The following DYM variants were observed in gnomAD, a reference collection of about 807,000 sequenced individuals.
The protein encoded by DYM is dyggve-Melchior-Clausen syndrome protein.
Under a neutral mutation model 93.1 loss-of-function variants are expected in DYM, and 78 were observed. The ratio of observed to expected loss-of-function variants is 0.84; its 90% CI spans 0.70 to 1.01. The LOEUF (loss-of-function observed/expected upper bound fraction) is 1.01, where lower values mean the gene tolerates loss of function less well. Among genes scored for constraint, DYM ranks in the 50% least tolerant of loss-of-function variants. The probability of loss-of-function intolerance (pLI) is 0.00; values close to 1 mark genes in which losing one functional copy is unlikely to be tolerated. For missense variants in DYM, 789 were observed against 845.0 expected, an observed-to-expected ratio of 0.93 and a Z score of 0.82; for synonymous variants, 321 against 319.7, an observed-to-expected ratio of 1.00 and a Z score of -0.04.
chr18:49,388,767 T>C (rs2068878453), intron 3 of DYM, among the ~76,000 whole-genome samples: 1 of 152,010 alleles, frequency 6.6e-6, no homozygotes, highest in Admixed American at 6.6e-5. Flanking sequence ...GGTTGACTGC[T>C]TTCTTCACAA....
chr18:49,420,688 A>G (rs1481350933), intron 2 of DYM, among the ~76,000 whole-genome samples: 1 of 152,114 alleles, frequency 6.6e-6, no homozygotes, highest in African/African-American at 2.4e-5. Flanking sequence ...CAGTGGGTGC[A>G]GCCTGTGGAC....
At chr18:49,331,257 ACT>A (rs1375937862) in intron 8 of DYM, among the ~76,000 whole-genome samples, 1 of 152,018 alleles carries the variant, frequency 6.6e-6, no homozygotes, top group East Asian at 1.9e-4. Flanking sequence ...CACCAGAACT[ACT>A]CTCTTACTTC....
chr18:49,363,062 T>G, intron 6 of DYM, 99 bp downstream of exon 6: 1 of 907,472 alleles, frequency 1.1e-6, no homozygotes, highest in Non-Finnish European at 1.8e-6. Flanking sequence ...GGCACACATA[T>G]AAGTTCTATA....
chr18:49,375,596 T>A (rs2067433758), intron 5 of DYM: 2 of 152,302 alleles, frequency 1.3e-5, no homozygotes, highest in South Asian at 4.1e-4. Flanking sequence ...GCTTGCTTTA[T>A]TCAAGAATAA....
At chr18:49,438,669 A>C (rs1480297472) in intron 1 of DYM, among the ~76,000 whole-genome samples, 1 of 152,174 alleles carries the variant, frequency 6.6e-6, no homozygotes, top group Non-Finnish European at 1.5e-5. Context: ...AAGCAACAAC[A>C]GGGTGCTACC....
intron 17 of DYM, among the ~76,000 whole-genome samples, chr18:49,080,861 C>G (rs1255240555): frequency 4.7e-5 from 7 of 150,386 alleles, no homozygotes; most frequent in African/African-American, 1.7e-4. Flanking sequence ...ACCTCCCAGA[C>G]GGGGTGGCGG....
At chr18:49,130,822 A>G (rs866457413) in intron 15 of DYM, among the ~76,000 whole-genome samples, 1 of 152,132 alleles carries the variant, frequency 6.6e-6, no homozygotes, top group African/African-American at 2.4e-5. Flanking sequence ...TGAAAGTACA[A>G]GGCGCTATGG....
intron 8 of DYM, among the ~76,000 whole-genome samples, chr18:49,289,770 T>TATAC (rs1320315730): frequency 3.5e-4 from 15 of 42,686 alleles, no homozygotes; most frequent in African/African-American, 1.4e-3. Flanking sequence ...TATATATATA[T>TATAC]ATACACATAT....
intron 10 of DYM, among the ~76,000 whole-genome samples, chr18:49,281,631 G>C (rs548617659): frequency 4.4e-4 from 67 of 152,278 alleles, no homozygotes; most frequent in African/African-American, 1.4e-3. Context: ...CCATAAAAAA[G>C]GATGGGTTCG....
At chr18:49,287,584 C>A (rs1238185656) in intron 8 of DYM, among the ~76,000 whole-genome samples, 1 of 151,840 alleles carries the variant, frequency 6.6e-6, no homozygotes, top group Non-Finnish European at 1.5e-5. Context: ...TTCTGGTCCA[C>A]TTAGAAATGC....
rs796303150 is a variant in DYM at position 49,351,493 on chromosome 18, C to A, written c.494+11668G>T. Among the ~76,000 whole-genome samples the A allele has an allele frequency of 3.0e-4, 46 of 151,490 alleles. 1 individual carries two copies. Among genetic ancestry groups the A allele is most frequent in the African/African-American group, 1.1e-3 (45 of 41,282 alleles). On this transcript the variant is annotated intron_variant, in intron 6 of 17. Coordinates refer to ENST00000675505, the MANE Select transcript of DYM (RefSeq NM_001353214.3). ...ATATTTACTGACTAATAAGCAGTTC[C>A]ATCAATGAAAAAATATCAGCCACAC...
intron 14 of DYM, among the ~76,000 whole-genome samples, chr18:49,188,561 C>A (rs529281111): frequency 2.0e-5 from 3 of 152,104 alleles, no homozygotes; most frequent in African/African-American, 4.8e-5. Flanking sequence ...AAGCTGGAAA[C>A]CATCATTCTC....
chr18:49,272,071 TTC>T, intron 11 of DYM, 105 bp downstream of exon 11: 1 of 958,606 alleles, frequency 1.0e-6, no homozygotes, highest in Non-Finnish European at 1.6e-6. Context: ...CTAATACAGG[TTC>T]TCACAGGAAC....
chr18:49,236,479 C>CAA (rs57432048), intron 13 of DYM, among the ~76,000 whole-genome samples: 1,663 of 142,420 alleles, frequency 0.012, 26 homozygotes, highest in African/African-American at 0.036. Context: ...GACTCTGTCT[C>CAA]AAAAAAAAAA....
At chr18:49,329,087 T>C (rs1362840837) in intron 8 of DYM, among the ~76,000 whole-genome samples, 1 of 151,986 alleles carries the variant, frequency 6.6e-6, no homozygotes, top group Non-Finnish European at 1.5e-5. Flanking sequence ...ATATACACCA[T>C]GGAATACTCT....
chr18:49,317,881 G>C (rs564108850), intron 8 of DYM, among the ~76,000 whole-genome samples: 2 of 151,922 alleles, frequency 1.3e-5, no homozygotes, highest in East Asian at 1.9e-4. Context: ...CTCTGCTAAT[G>C]CACTGAGGGT....
chr18:49,298,417 T>TA (rs1314927103), intron 8 of DYM, among the ~76,000 whole-genome samples: 1 of 151,680 alleles, frequency 6.6e-6, no homozygotes, highest in Non-Finnish European at 1.5e-5. Flanking sequence ...CCGTCTCTAC[T>TA]AAAAAATACA....
intron 2 of DYM, among the ~76,000 whole-genome samples, chr18:49,416,647 A>G (rs1299748723): frequency 1.3e-5 from 2 of 152,218 alleles, no homozygotes; most frequent in Non-Finnish European, 2.9e-5. Flanking sequence ...CTACACAGTA[A>G]TAGAAATTCA....
chr18:49,439,617 T>C (rs1160309714), intron 1 of DYM, among the ~76,000 whole-genome samples: 2 of 152,166 alleles, frequency 1.3e-5, no homozygotes, highest in Non-Finnish European at 2.9e-5. Context: ...AATAAATATA[T>C]GAAAAGATCT....
Sources: allele counts gnomAD v4.1 joint callset (sites outside exome capture counted in the v4.1 genomes callset), GRCh38; gene constraint gnomAD v4.1.1; transcripts MANE v1.5; gene names NCBI Gene and HGNC (gene_info 2026-07-23, HGNC 2026-07-21).